Variants in RALGAPB observed in about 807,000 individuals in gnomAD.
The protein encoded by RALGAPB is ral GTPase-activating protein subunit beta.
A neutral mutation model predicts 161.1 loss-of-function variants in RALGAPB; 25 were observed. The observed-to-expected ratio is 0.16, with a 90% CI of 0.11 to 0.22. The LOEUF (loss-of-function observed/expected upper bound fraction) is 0.22, where lower values mean the gene tolerates loss of function less well. RALGAPB is among the 10% of genes least tolerant of loss of function. The probability of loss-of-function intolerance (pLI) is 1.00; values close to 1 mark genes in which losing one functional copy is unlikely to be tolerated. For missense variants in RALGAPB, 1,391 were observed against 1,815.2 expected (o/e 0.77, Z 4.25); for synonymous variants, 629 against 626.1 (o/e 1.00, Z -0.07).
chr20:38,561,738 G>A (rs1682425282), intron 23 of RALGAPB, among the ~76,000 whole-genome samples: 1 of 152,018 alleles, frequency 6.6e-6, no homozygotes, highest in Non-Finnish European at 1.5e-5. Flanking sequence ...TGCCATCTTG[G>A]GCCAGATAAG....
chr20:38,506,056 ACTGC>A (rs55662127), intron 5 of RALGAPB, among the ~76,000 whole-genome samples: 129,990 of 151,812 alleles, frequency 0.86, 55,682 homozygotes, highest in East Asian at 0.91. Context: ...TTTGCCTTCT[ACTGC>A]CTGAGTACTG....
intron 6 of RALGAPB, among the ~76,000 whole-genome samples, chr20:38,509,501 C>T (rs541923451): frequency 1.3e-5 from 2 of 152,316 alleles, no homozygotes; most frequent in South Asian, 4.1e-4. Flanking sequence ...GATGATCTTT[C>T]TCTTGGGATT....
At chr20:38,508,441 C>T (rs1335808883) in intron 5 of RALGAPB, among the ~76,000 whole-genome samples, 1 of 151,970 alleles carries the variant, frequency 6.6e-6, no homozygotes, top group African/African-American at 2.4e-5. Context: ...GAATAAATGT[C>T]CCACAGAGCA....
chr20:38,472,892 C>G lies in RALGAPB; in HGVS notation c.-208C>G. 2.5e-6 allele frequency: 1 copy of G among 398,958 alleles called. No homozygotes were observed. Among genetic ancestry groups the G allele is most frequent in the East Asian group, 3.6e-5 (1 of 28,050 alleles). 24.7% of individuals were successfully genotyped at this position (398,958 alleles called of 1,614,324 possible). On this transcript the variant is annotated 5_prime_UTR_variant, in exon 1 of 30. Transcript: ENST00000262879. ...CCAGCCGGCTGGCTCGAGTGGCCTT[C>G]GTCGTCCCTTGGCGCCCTGGGAGAG...
chr20:38,517,691 G>T, intron 8 of RALGAPB, 37 bp downstream of exon 8: 2 of 1,611,102 alleles, frequency 1.2e-6, no homozygotes, highest in Non-Finnish European at 1.7e-6. Flanking sequence ...GCTATATAAG[G>T]TTGGCTTTTT....
At chr20:38,508,776 C>A (rs1160393524) in intron 5 of RALGAPB, among the ~76,000 whole-genome samples, 1 of 152,088 alleles carries the variant, frequency 6.6e-6, no homozygotes, top group African/African-American at 2.4e-5. Flanking sequence ...CAATGTAAAA[C>A]TTCTTTTTAA....
rs2088510162 is a variant in RALGAPB at position 38,578,285 on chromosome 20, T to C, written c.*3318T>C. 6.6e-6 allele frequency: 1 copy of C among 152,232 alleles called. No individual in the cohort carries two copies. Among genetic ancestry groups the C allele is most frequent in the South Asian group, 2.1e-4 (1 of 4,832 alleles). The allele number at this position is 152,232 out of a possible 1,614,324, so 9.4% of individuals were successfully genotyped here. A position where few individuals can be genotyped will look rare whatever the true frequency, so the allele number is the denominator to read the frequency against. On this transcript the variant is annotated 3_prime_UTR_variant, in exon 30 of 30. Transcript: ENST00000262879. Reference sequence around the variant, plus strand: ...GATTGGAGGTGGTCTATCCGTACGATGTGGAATCAAACGGTGGGTTTCTTA... The same window carrying C: ...GATTGGAGGTGGTCTATCCGTACGACGTGGAATCAAACGGTGGGTTTCTTA...
At chr20:38,517,121 C>T (rs2086150237) in intron 7 of RALGAPB, among the ~76,000 whole-genome samples, 1 of 152,176 alleles carries the variant, frequency 6.6e-6, no homozygotes, top group African/African-American at 2.4e-5. Context: ...CACAGTGCCT[C>T]ATGGGCCATG....
chr20:38,562,878 C>T (rs1004241236), intron 24 of RALGAPB, among the ~76,000 whole-genome samples, 181 bp downstream of exon 24: 4 of 152,054 alleles, frequency 2.6e-5, no homozygotes, highest in African/African-American at 9.7e-5. Context: ...GAGTTCAAGA[C>T]CAGCCTGGAA....
intron 15 of RALGAPB, among the ~76,000 whole-genome samples, chr20:38,533,313 C>T (rs1568949555): frequency 6.6e-6 from 1 of 152,148 alleles, no homozygotes; most frequent in Non-Finnish European, 1.5e-5. Flanking sequence ...TACTGTAGCT[C>T]ACTAGATTCT....
chr20:38,574,815 A>C lies in RALGAPB; in HGVS notation c.4333A>C (p.Lys1445Gln). The C allele has an allele frequency of 6.2e-7, 1 of 1,614,074 alleles. No homozygotes were observed. Among genetic ancestry groups the C allele is most frequent in the Non-Finnish European group, 8.5e-7 (1 of 1,179,922 alleles). ...GACTGTAATTAACATTTGTAGAAGA[A>C]AGAGACTGGAAAGTGACTCCTACAG... is the stretch of plus-strand genomic sequence containing the variant. ...RQTVINICRR[K>Q]RLESDSYSPP... Residue 1445 changes from lysine (K) to glutamine (Q), a missense_variant, in exon 30 of 30, where the codon AAG becomes CAG. Physicochemically the swap from Lys to Gln is moderately conservative, Grantham distance 53. Transcript: ENST00000262879.
intron 10 of RALGAPB, 91 bp downstream of exon 10, chr20:38,521,789 TCTGAA>T: frequency 7.7e-7 from 1 of 1,296,634 alleles, no homozygotes; most frequent in Non-Finnish European, 1.1e-6. Context: ...GTGATGTTGG[TCTGAA>T]ATACCTACAG....
At chr20:38,558,745 G>C (rs1379726135) in intron 23 of RALGAPB, among the ~76,000 whole-genome samples, 4 of 152,148 alleles carry the variant, frequency 2.6e-5, no homozygotes, top group Admixed American at 1.3e-4. Context: ...TGAACTGTAG[G>C]ATATGAGCTA....
Position 38,497,525 on chromosome 20 carries a change from A to AT in RALGAPB, c.553+20dup, listed in dbSNP as rs746522464. Reference sequence around the variant, plus strand: ...CCCACCAACTGTTCAAGGTTTGTTTATTTTTTTTTTTCTAATTTATTTCTG... The same window carrying AT: ...CCCACCAACTGTTCAAGGTTTGTTTATTTTTTTTTTTTCTAATTTATTTCTG... On this transcript the variant is annotated intron_variant, in intron 4 of 29. Coordinates refer to ENST00000262879, the MANE Select transcript of RALGAPB (RefSeq NM_020336.4). 0.019 allele frequency: 21,473 copies of AT among 1,143,086 alleles called. 6 individuals are homozygous for AT. Among genetic ancestry groups the AT allele is most frequent in the South Asian group, 0.021 (1,237 of 59,664 alleles). 70.8% of individuals were successfully genotyped at this position (1,143,086 alleles called of 1,614,324 possible).
intron 1 of RALGAPB, among the ~76,000 whole-genome samples, chr20:38,482,836 T>G (rs1368474698): frequency 6.6e-6 from 1 of 152,226 alleles, no homozygotes; most frequent in East Asian, 1.9e-4. Context: ...ATTACATATG[T>G]GATTCTTTAA....
At chr20:38,570,527 C>G (rs936425979) in intron 27 of RALGAPB, among the ~76,000 whole-genome samples, 1 of 152,156 alleles carries the variant, frequency 6.6e-6, no homozygotes, top group Admixed American at 6.5e-5. Flanking sequence ...ACTTTTCAAC[C>G]AAGCCCTCAA....
intron 13 of RALGAPB, among the ~76,000 whole-genome samples, chr20:38,526,587 T>A (rs2086478715): frequency 1.3e-5 from 2 of 152,220 alleles, no homozygotes; most frequent in South Asian, 4.1e-4. Flanking sequence ...CTTTTCTTCA[T>A]CATCTTCTTA....
intron 20 of RALGAPB, 138 bp from the exon 21 acceptor site, chr20:38,550,933 C>A: frequency 2.1e-6 from 2 of 931,366 alleles, no homozygotes; most frequent in Non-Finnish European, 3.3e-6. Flanking sequence ...TTATCTGTAG[C>A]ATTTGCAGGT....
At chr20:38,522,275 A>G (rs1183579404) in intron 10 of RALGAPB, among the ~76,000 whole-genome samples, 2 of 152,248 alleles carry the variant, frequency 1.3e-5, no homozygotes, top group Non-Finnish European at 2.9e-5. Context: ...AAAGTTGGTT[A>G]GGGTCATCTT....
Sources: gnomAD v4.1 joint callset for allele counts (sites outside exome capture counted in the v4.1 genomes callset) on GRCh38, gnomAD v4.1.1 for gene constraint, MANE v1.5 for transcripts, NCBI Gene and HGNC (gene_info 2026-07-23, HGNC 2026-07-21) for gene names.